PHACTR2: variants seen among roughly 807,000 people sequenced by gnomAD.
PHACTR2 encodes the protein chromosome 6 open reading frame 56.
Under a neutral mutation model 76.0 loss-of-function variants are expected in PHACTR2, and 30 were observed. That is an observed-to-expected ratio of 0.39 (90% confidence interval 0.30 to 0.54). The LOEUF (loss-of-function observed/expected upper bound fraction) is 0.54, where lower values mean the gene tolerates loss of function less well. Among genes scored for constraint, PHACTR2 ranks in the 20% least tolerant of loss-of-function variants. The probability of loss-of-function intolerance (pLI) is 0.61; values close to 1 mark genes in which losing one functional copy is unlikely to be tolerated. For synonymous variants in PHACTR2, 292 were observed against 292.5 expected, an observed-to-expected ratio of 1.00 and a Z score of 0.02; for missense variants, 696 against 781.1, an observed-to-expected ratio of 0.89 and a Z score of 1.30.
chr6:143,727,216 T>C (rs1778592349), intron 2 of PHACTR2, among the ~76,000 whole-genome samples: 1 of 152,226 alleles, frequency 6.6e-6, no homozygotes, highest in South Asian at 2.1e-4. Context: ...TTTGTCTTCC[T>C]GTGCCTGGAT....
chr6:143,635,107 G>A (rs1264183477), intron 1 of PHACTR2, among the ~76,000 whole-genome samples: 6 of 151,944 alleles, frequency 3.9e-5, no homozygotes, highest in African/African-American at 1.5e-4. Context: ...CTCTGCAGAT[G>A]GCATGTGTTA....
In PHACTR2 at chr6:143,663,359, C is replaced by G. The variant is rs996759118; in HGVS notation, c.14-48657C>G. Among the ~76,000 whole-genome samples, 8 of 152,220 alleles carry G rather than the reference C, an allele frequency of 5.3e-5. No individual in the cohort carries two copies. Among genetic ancestry groups the G allele is most frequent in the Admixed American group, 5.2e-4 (8 of 15,282 alleles). On this transcript the variant is annotated intron_variant, in intron 1 of 11. Transcript: ENST00000305766. The surrounding 1 kb of genome is among the most constrained non-coding windows in gnomAD (Gnocchi z 4.1). ...GCCCTCCCCGTGGATGAATGAAGTA[C>G]TGAATATCCCAAAGCATTGAATCAC...
rs1043177408 is a variant in PHACTR2 at position 143,730,232 on chromosome 6, T to G, written c.214+18049T>G. ...GGGTACTTTTTTTTGGCTAGGATTT[T>G]TATTTAAACTGCATTAAATCTATGC... On this transcript the variant is annotated intron_variant, in intron 2 of 12. Transcript: ENST00000440869. The surrounding 1 kb of genome is among the most constrained non-coding windows in gnomAD (Gnocchi z 4.8). Among the ~76,000 whole-genome samples, 1 of 152,150 alleles carries G rather than the reference T, an allele frequency of 6.6e-6. No individual in the cohort carries two copies. The highest frequency in any genetic ancestry group is 1.5e-5 in the Non-Finnish European group (1 of 68,016).
At chr6:143,682,493 G>A (rs1348248043) in intron 1 of PHACTR2, among the ~76,000 whole-genome samples, 2 of 151,808 alleles carry the variant, frequency 1.3e-5, no homozygotes, top group East Asian at 3.9e-4. Flanking sequence ...AGGGATTATA[G>A]GCATGAGCCA....
chr6:143,727,528 A>G (rs989833684), intron 2 of PHACTR2, among the ~76,000 whole-genome samples: 8 of 145,300 alleles, frequency 5.5e-5, no homozygotes, highest in Admixed American at 4.0e-4. Flanking sequence ...TTTTTTTGAG[A>G]AACCTCCATA....
chr6:143,603,076 C>T (rs372596820), intron 1 of PHACTR2, among the ~76,000 whole-genome samples: 2 of 142,282 alleles, frequency 1.4e-5, no homozygotes, highest in East Asian at 2.0e-4. Flanking sequence ...ATCCATGAGA[C>T]GGAGGCTGCA....
intron 2 of PHACTR2, among the ~76,000 whole-genome samples, chr6:143,726,329 G>A (rs1214845611): frequency 6.6e-6 from 1 of 152,100 alleles, no homozygotes; most frequent in Non-Finnish European, 1.5e-5. Context: ...ATTTTTAAAC[G>A]TGCAGCTCAG....
chr6:143,588,713 T>G (rs1028561235), intron 1 of PHACTR2, among the ~76,000 whole-genome samples: 1 of 152,018 alleles, frequency 6.6e-6, no homozygotes, highest in Non-Finnish European at 1.5e-5. Context: ...CCTGGGAATA[T>G]CCATGAGAGA....
At position 143,793,453 on chromosome 6, in the gene PHACTR2, C is replaced by T. The variant is rs938815174; in HGVS notation, c.1845+4543C>T. Among the ~76,000 whole-genome samples the T allele has an allele frequency of 2.6e-5, 4 of 152,156 alleles. No homozygotes were observed. Among genetic ancestry groups the T allele is most frequent in the Non-Finnish European group, 4.4e-5 (3 of 68,034 alleles). ...CCCAGAGCACAGCCACTGCCCCTCT[C>T]TCCTCACACATGGGCCTCATTTTCT... On this transcript the variant is annotated intron_variant, in intron 11 of 12. Coordinates refer to ENST00000440869, the MANE Select transcript of PHACTR2 (RefSeq NM_001100164.2). This position sits in a 1 kb window ranked among gnomAD's most constrained non-coding sequence, Gnocchi z 4.4.
At chr6:143,740,600 T>C (rs1419838904) in intron 2 of PHACTR2, among the ~76,000 whole-genome samples, 2 of 151,756 alleles carry the variant, frequency 1.3e-5, no homozygotes, top group Non-Finnish European at 2.9e-5. Context: ...GAGAATTGCT[T>C]GTGGAGTAAG....
In PHACTR2 at chr6:143,774,185, T is replaced by C; in HGVS notation, c.1559T>C (p.Ile520Thr). The C allele has an allele frequency of 3.1e-6, 5 of 1,614,040 alleles. No homozygotes were observed. Among genetic ancestry groups the C allele is most frequent in the Non-Finnish European group, 4.2e-6 (5 of 1,179,938 alleles). ...ACATCTGAAGAAGAGAGGCAGGAAA[T>C]CCGACAACAAATTGGAACCAAGTTA... ...QRTSEEERQE[I>T]RQQIGTKLVR... is the part of the protein sequence containing the mutation. The change falls in exon 8 of 13, where the codon ATC (isoleucine) becomes ACC (threonine). Residue 520 changes from isoleucine to threonine, a missense_variant. Ile to Thr is a moderately conservative substitution (Grantham distance 89, BLOSUM62 -1). Around this residue, in one of 2 missense-constraint regions of PHACTR2, gnomAD observed 236 missense variants for 330.2 expected, o/e 0.71. Coordinates refer to ENST00000440869, the MANE Select transcript of PHACTR2 (RefSeq NM_001100164.2). This position sits in a 1 kb window ranked among gnomAD's most constrained non-coding sequence, Gnocchi z 5.4.
Position 143,700,577 on chromosome 6 carries a change from C to T in PHACTR2, c.47-11439C>T, listed in dbSNP as rs894736849. ...GATTGGGGGCAGTGGGGAGGGGGGGCGAGAGGAGAACTGTGATATTTCAGT... is the reference window on the plus strand; with the variant it reads ...GATTGGGGGCAGTGGGGAGGGGGGGTGAGAGGAGAACTGTGATATTTCAGT... On this transcript the variant is annotated intron_variant, in intron 1 of 12. Coordinates refer to ENST00000440869, the MANE Select transcript of PHACTR2 (RefSeq NM_001100164.2). This position sits in a 1 kb window ranked among gnomAD's most constrained non-coding sequence, Gnocchi z 4.1. 1.3e-5 allele frequency among the ~76,000 whole-genome samples: 2 copies of T among 151,782 alleles called. No homozygotes were observed. The highest frequency in any genetic ancestry group is 2.9e-5 in the Non-Finnish European group (2 of 67,942).
chr6:143,715,739 A>C (rs1456434498), intron 2 of PHACTR2, among the ~76,000 whole-genome samples: 1 of 152,212 alleles, frequency 6.6e-6, no homozygotes, highest in Admixed American at 6.5e-5. Flanking sequence ...ATCCCCTGCC[A>C]ACCCCAGCTA....
chr6:143,573,217 C>A (rs1775468484), intron 1 of PHACTR2, among the ~76,000 whole-genome samples: 1 of 152,188 alleles, frequency 6.6e-6, no homozygotes, highest in African/African-American at 2.4e-5. Context: ...CCACCTCTAA[C>A]CCACATTATC....
chr6:143,697,726 A>G lies in PHACTR2; in HGVS notation c.47-14290A>G, dbSNP rs534489681. Among the ~76,000 whole-genome samples the G allele has an allele frequency of 1.8e-4, 28 of 152,362 alleles. No individual in the cohort carries two copies. Among genetic ancestry groups the G allele is most frequent in the East Asian group, 3.9e-4 (2 of 5,192 alleles). ...AAACAATTTCCTCTGTGAAAAATCT[A>G]AAGACCTGCTAAAATAAATCATAGC... On this transcript the variant is annotated intron_variant, in intron 1 of 12. Coordinates refer to ENST00000440869, the MANE Select transcript of PHACTR2 (RefSeq NM_001100164.2). This position sits in a 1 kb window ranked among gnomAD's most constrained non-coding sequence, Gnocchi z 4.4.
chr6:143,639,180 G>A lies in PHACTR2; in HGVS notation c.13+30858G>A, dbSNP rs2128443604. 6.6e-6 allele frequency among the ~76,000 whole-genome samples: 1 copy of A among 152,250 alleles called. No homozygotes were observed. Among genetic ancestry groups the A allele is most frequent in the South Asian group, 2.1e-4 (1 of 4,828 alleles). On this transcript the variant is annotated intron_variant, in intron 1 of 11. Coordinates refer to the PHACTR2 transcript ENST00000305766. The surrounding 1 kb of genome is among the most constrained non-coding windows in gnomAD (Gnocchi z 5.0). ...TCATTACATCTTTCTGCTTTCATGA[G>A]CCACCAATGACATGCTTCATAAAAT...
Position 143,775,026 on chromosome 6 carries a change from G to C in PHACTR2, c.1589+811G>C, listed in dbSNP as rs1375764328. ...CAACAGGGTGCATAACTGGGAGAAAGGAACTGTCTAGAATCCCAGAGCAGG... is the reference window on the plus strand; with the variant it reads ...CAACAGGGTGCATAACTGGGAGAAACGAACTGTCTAGAATCCCAGAGCAGG... On this transcript the variant is annotated intron_variant, in intron 8 of 12. Transcript: ENST00000440869. This position sits in a 1 kb window ranked among gnomAD's most constrained non-coding sequence, Gnocchi z 4.4. Among the ~76,000 whole-genome samples, 2 of 152,198 alleles carry C rather than the reference G, an allele frequency of 1.3e-5. No homozygotes were observed. Among genetic ancestry groups the C allele is most frequent in the Non-Finnish European group, 2.9e-5 (2 of 68,036 alleles).
Position 143,823,603 on chromosome 6 carries a change from C to T in PHACTR2, c.1923-71C>T. ...CCTTTTCATTGTAAACATGACCACG[C>T]CTTATTCAGCTCACTGCATGCAGAA... On this transcript the variant is annotated intron_variant, in intron 12 of 12. Transcript: ENST00000440869. The surrounding 1 kb of genome is among the most constrained non-coding windows in gnomAD (Gnocchi z 5.7). 3 of 1,184,808 alleles carry T rather than the reference C, an allele frequency of 2.5e-6. No homozygotes were observed. Among genetic ancestry groups the T allele is most frequent in the Non-Finnish European group, 3.8e-6 (3 of 792,586 alleles). 73.4% of individuals were successfully genotyped at this position (1,184,808 alleles called of 1,614,324 possible).
intron 1 of PHACTR2, among the ~76,000 whole-genome samples, chr6:143,642,353 C>T (rs758036126): frequency 1.3e-5 from 2 of 152,172 alleles, no homozygotes; most frequent in Non-Finnish European, 1.5e-5. Flanking sequence ...ATCTGTTGAC[C>T]AGAACAATGA....
Sources: allele counts gnomAD v4.1 joint callset (sites outside exome capture counted in the v4.1 genomes callset), GRCh38; gene constraint gnomAD v4.1.1; regional missense constraint gnomAD v4.1.1; non-coding constraint Gnocchi (gnomAD v3.1); transcripts MANE v1.5; gene names NCBI Gene and HGNC (gene_info 2026-07-23, HGNC 2026-07-21).